STIM1: variants seen among roughly 807,000 people sequenced by gnomAD.
STIM1 encodes the protein stromal interaction molecule 1.
In STIM1, 25 loss-of-function variants were observed where a neutral mutation model predicts 74.7. The observed-to-expected ratio is 0.33, with a 90% CI of 0.24 to 0.47. STIM1 has a LOEUF of 0.47. STIM1 is among the 20% of genes least tolerant of loss of function. The probability of loss-of-function intolerance (pLI) is 1.00; values close to 1 mark genes in which losing one functional copy is unlikely to be tolerated. For missense variants in STIM1, 728 were observed against 920.8 expected (o/e 0.79, Z 2.71); for synonymous variants, 328 against 348.8 (o/e 0.94, Z 0.66).
At chr11:3,874,658 C>T (rs1023171075) in intron 1 of STIM1, among the ~76,000 whole-genome samples, 4 of 152,188 alleles carry the variant, frequency 2.6e-5, no homozygotes, top group Non-Finnish European at 5.9e-5. Context: ...ACTTCTTGCC[C>T]TGCTTTTTCA....
At chr11:3,866,191 C>T (rs1458324974) in intron 1 of STIM1, among the ~76,000 whole-genome samples, 2 of 152,156 alleles carry the variant, frequency 1.3e-5, no homozygotes, top group African/African-American at 4.8e-5. Flanking sequence ...GCAGAACAAA[C>T]TTTTATTTAT....
intron 9 of STIM1, 24 bp from the exon 10 acceptor site, chr11:4,083,239 C>T: frequency 6.2e-7 from 1 of 1,609,754 alleles, no homozygotes; most frequent in Non-Finnish European, 8.5e-7. Flanking sequence ...TCCATGCCTG[C>T]AGTTCTCTTT....
At chr11:3,972,273 C>A (rs943752959) in intron 2 of STIM1, among the ~76,000 whole-genome samples, 1 of 152,176 alleles carries the variant, frequency 6.6e-6, no homozygotes, top group Admixed American at 6.5e-5. Context: ...TTTGCCATTT[C>A]TGAAGTAAGT....
chr11:3,919,542 C>T (rs577060319), intron 1 of STIM1, among the ~76,000 whole-genome samples: 2 of 152,090 alleles, frequency 1.3e-5, no homozygotes, highest in Non-Finnish European at 2.9e-5. Context: ...ATGAGTCTTT[C>T]AAATTTAAAT....
At chr11:3,932,666 GAAAAA>G (rs57059104) in intron 1 of STIM1, among the ~76,000 whole-genome samples, 1 of 86,970 alleles carries the variant, frequency 1.1e-5, no homozygotes. Flanking sequence ...TGTCTCAAAG[GAAAAA>G]AAAAAAAAAA....
At chr11:4,024,407 C>T (rs748209687) in intron 3 of STIM1, among the ~76,000 whole-genome samples, 4 of 152,174 alleles carry the variant, frequency 2.6e-5, no homozygotes, top group Non-Finnish European at 5.9e-5. Context: ...TACAGACAGA[C>T]TCTCTCCTCT....
chr11:3,907,657 T>C (rs985622907), intron 1 of STIM1, among the ~76,000 whole-genome samples: 14 of 152,318 alleles, frequency 9.2e-5, no homozygotes, highest in South Asian at 2.1e-4. Context: ...TATATAACTC[T>C]TCTGTTCAAA....
intron 6 of STIM1, among the ~76,000 whole-genome samples, chr11:4,074,019 C>T (rs561182293): frequency 1.3e-5 from 2 of 152,236 alleles, no homozygotes; most frequent in African/African-American, 4.8e-5. Flanking sequence ...GGGTATTCTA[C>T]ATTCATTGAA....
chr11:4,019,730 A>G (rs2093938013), intron 2 of STIM1, among the ~76,000 whole-genome samples: 1 of 152,222 alleles, frequency 6.6e-6, no homozygotes, highest in Non-Finnish European at 1.5e-5. Context: ...ACAATGTATA[A>G]TGATCAAATT....
intron 1 of STIM1, among the ~76,000 whole-genome samples, chr11:3,960,157 C>CT (rs981681119): frequency 4.6e-5 from 7 of 151,966 alleles, no homozygotes; most frequent in East Asian, 3.9e-4. Context: ...TGACATACCT[C>CT]TTTTTTTTCA....
intron 1 of STIM1, chr11:3,961,166 C>CTAATTTTTGTATT (rs1565128965): frequency 4.5e-5 from 7 of 154,910 alleles, no homozygotes; most frequent in African/African-American, 1.5e-4. Context: ...CCATGCTTGG[C>CTAATTTTTGTATT]TTTTATAGAG....
At chr11:3,856,925 C>A (rs1360019054) in intron 1 of STIM1, among the ~76,000 whole-genome samples, 1 of 152,126 alleles carries the variant, frequency 6.6e-6, no homozygotes, top group Non-Finnish European at 1.5e-5. Context: ...GTAGTCTTGT[C>A]TCTTTGCTGT....
chr11:4,058,094 T>C (rs1461664085), intron 4 of STIM1, among the ~76,000 whole-genome samples: 1 of 152,154 alleles, frequency 6.6e-6, no homozygotes, highest in Admixed American at 6.5e-5. Context: ...AAGACGACAA[T>C]GTTTATTCTC....
chr11:4,041,817 C>T (rs576975516), intron 3 of STIM1, among the ~76,000 whole-genome samples: 1 of 152,212 alleles, frequency 6.6e-6, no homozygotes, highest in East Asian at 1.9e-4. Context: ...GAACTCCTGG[C>T]CTCAAGTGAT....
chr11:4,067,713 A>G (rs1206968918), intron 5 of STIM1, among the ~76,000 whole-genome samples: 3 of 152,220 alleles, frequency 2.0e-5, no homozygotes, highest in African/African-American at 7.2e-5. Context: ...AGTAGTTGTG[A>G]GGATAAGAGA....
intron 7 of STIM1, among the ~76,000 whole-genome samples, chr11:4,077,295 C>T (rs1173762634): frequency 2.0e-5 from 3 of 151,696 alleles, no homozygotes; most frequent in Non-Finnish European, 2.9e-5. Flanking sequence ...TATTACTGGA[C>T]TCCAAAAATA....
intron 3 of STIM1, among the ~76,000 whole-genome samples, chr11:4,034,220 C>T (rs2094079461): frequency 6.6e-6 from 1 of 151,762 alleles, no homozygotes; most frequent in Non-Finnish European, 1.5e-5. Context: ...CAGAGTGAGA[C>T]ACTGTCTCGG....
intron 1 of STIM1, among the ~76,000 whole-genome samples, chr11:3,878,236 G>A: frequency 6.6e-6 from 1 of 152,122 alleles, no homozygotes; most frequent in South Asian, 2.1e-4. Flanking sequence ...ACAGAGGGAA[G>A]AAAAGGGAAC....
At chr11:4,004,732 A>T (rs1795661154) in intron 2 of STIM1, among the ~76,000 whole-genome samples, 1 of 151,942 alleles carries the variant, frequency 6.6e-6, no homozygotes, top group Non-Finnish European at 1.5e-5. Flanking sequence ...CAAAATTGAC[A>T]AATGGGATCT....
Sources: allele counts gnomAD v4.1 joint callset (sites outside exome capture counted in the v4.1 genomes callset), GRCh38; gene constraint gnomAD v4.1.1; transcripts MANE v1.5; gene names NCBI Gene and HGNC (gene_info 2026-07-23, HGNC 2026-07-21).